Variants in HDAC9 observed in about 807,000 individuals in gnomAD.
HDAC9 encodes the protein MEF-2 interacting transcription repressor (MITR) protein.
HDAC9 carries 41 observed loss-of-function variants against 139.4 expected under a neutral mutation model. That is an observed-to-expected ratio of 0.29 (90% CI 0.23 to 0.38). The LOEUF (loss-of-function observed/expected upper bound fraction) is 0.38. HDAC9 is among the 10% of genes least tolerant of loss of function. The probability of loss-of-function intolerance (pLI) is 1.00; values close to 1 mark genes in which losing one functional copy is unlikely to be tolerated. For missense variants in HDAC9, 1,147 were observed against 1,297.0 expected (o/e 0.88, Z 1.78); for synonymous variants, 517 against 476.2 (o/e 1.09, Z -1.12).
chr7:18,440,463 G>A (rs558031348), intron 1 of HDAC9, among the ~76,000 whole-genome samples: 1 of 152,076 alleles, frequency 6.6e-6, no homozygotes, highest in African/African-American at 2.4e-5. Context: ...GGGATTACAG[G>A]CATGAGCCAC....
chr7:18,725,777 T>A (rs1246326215), intron 12 of HDAC9, among the ~76,000 whole-genome samples: 1 of 152,138 alleles, frequency 6.6e-6, no homozygotes, highest in Admixed American at 6.5e-5. Flanking sequence ...GTGAGTTCCA[T>A]ATGAGGAAGG....
At chr7:18,873,616 A>G (rs1158114342) in intron 21 of HDAC9, among the ~76,000 whole-genome samples, 3 of 152,184 alleles carry the variant, frequency 2.0e-5, no homozygotes, top group African/African-American at 4.8e-5. Context: ...ACAACCACAC[A>G]AGAGTGATTG....
intron 16 of HDAC9, among the ~76,000 whole-genome samples, chr7:18,789,489 C>A (rs1792121017): frequency 1.3e-5 from 2 of 152,130 alleles, no homozygotes; most frequent in South Asian, 4.1e-4. Flanking sequence ...TTTAGCAAGA[C>A]CTTAGTAGTA....
At position 18,996,594 on chromosome 7, in the gene HDAC9, G is replaced by C. The variant is rs1472777688; in HGVS notation, c.*532G>C. 1 of 152,564 alleles carries C rather than the reference G, an allele frequency of 6.6e-6. No homozygotes were observed. Among genetic ancestry groups the C allele is most frequent in the Non-Finnish European group, 1.5e-5 (1 of 68,440 alleles). The allele number at this position is 152,564 out of a possible 1,614,324, so 9.5% of individuals were successfully genotyped here. A position where few individuals can be genotyped will look rare whatever the true frequency, so the allele number is the denominator to read the frequency against. ...GTTTCTTGTTTGTTTGTTTTGTTTT[G>C]TTAGGGTTTTTTTCTCAACTTTAAC... On this transcript the variant is annotated 3_prime_UTR_variant, in exon 26 of 26. Coordinates refer to ENST00000686413, the MANE Select transcript of HDAC9 (RefSeq NM_178425.4).
chr7:18,639,115 T>G (rs981780997), intron 8 of HDAC9, among the ~76,000 whole-genome samples: 2 of 152,068 alleles, frequency 1.3e-5, no homozygotes, highest in African/African-American at 4.8e-5. Context: ...TACAAATGCT[T>G]TTAAAAAAGG....
chr7:18,658,994 A>G (rs1792263553), intron 11 of HDAC9, among the ~76,000 whole-genome samples: 1 of 151,828 alleles, frequency 6.6e-6, no homozygotes, highest in South Asian at 2.1e-4. Context: ...TAAGAAAGTG[A>G]TGAGTTGCAT....
rs572915880 is a variant in HDAC9, at chr7:18,206,008, GA to G, written c.25+43660del. On this transcript the variant is annotated intron_variant, in intron 2 of 12. Coordinates refer to the HDAC9 transcript ENST00000417496. ...AGATACAATGTAGAAATTTCATTGAGATTTTTTTAATAGTAACTTTTAATAG... is the reference window on the plus strand; with the variant it reads ...AGATACAATGTAGAAATTTCATTGAGTTTTTTTAATAGTAACTTTTAATAG... Among the ~76,000 whole-genome samples, 940 of 152,192 alleles carry G rather than the reference GA, an allele frequency of 6.2e-3. 10 individuals carry two copies. Among genetic ancestry groups the G allele is most frequent in the African/African-American group, 0.021 (882 of 41,538 alleles).
intron 2 of HDAC9, among the ~76,000 whole-genome samples, chr7:18,272,925 A>G (rs775591607): frequency 1.8e-3 from 77 of 42,288 alleles, no homozygotes; most frequent in African/African-American, 4.3e-3. Context: ...TACTACTACT[A>G]CTACTACTAC....
In HDAC9 at chr7:18,117,727, C is replaced by A. The variant is rs372082367; in HGVS notation, c.-97+30514C>A. ...GAGAGGGAGCGTGGACCTGCTGACACCTTGATTTCAGACTTCTGGCCTTGA... is the reference window on the plus strand; with the variant it reads ...GAGAGGGAGCGTGGACCTGCTGACAACTTGATTTCAGACTTCTGGCCTTGA... On this transcript the variant is annotated intron_variant, in intron 1 of 12. Coordinates refer to the HDAC9 transcript ENST00000417496. 2.0e-5 allele frequency among the ~76,000 whole-genome samples: 3 copies of A among 152,228 alleles called. No homozygotes were observed. In the East Asian group the frequency reaches 5.8e-4, roughly 29 times the overall value.
chr7:18,890,104 G>A (rs1800546971), intron 22 of HDAC9, among the ~76,000 whole-genome samples: 1 of 152,182 alleles, frequency 6.6e-6, no homozygotes, highest in African/African-American at 2.4e-5. Flanking sequence ...GATTTATGAA[G>A]AGTAAATACA....
At chr7:18,548,033 C>G (rs1815753404) in intron 2 of HDAC9, among the ~76,000 whole-genome samples, 1 of 151,862 alleles carries the variant, frequency 6.6e-6, no homozygotes. Context: ...ATTTCTAGCT[C>G]TTGATTGAAA....
intron 6 of HDAC9, among the ~76,000 whole-genome samples, chr7:18,606,679 G>T (rs948159483): frequency 6.6e-6 from 1 of 151,982 alleles, no homozygotes; most frequent in South Asian, 2.1e-4. Context: ...TTCAAAATAA[G>T]ACTCACTTTT....
intron 11 of HDAC9, among the ~76,000 whole-genome samples, chr7:18,654,640 A>G (rs1427704303): frequency 6.6e-6 from 1 of 152,168 alleles, no homozygotes; most frequent in African/African-American, 2.4e-5. Context: ...TTTATGACCA[A>G]GCAGGAAACC....
At chr7:18,170,291 A>T (rs976294951) in intron 2 of HDAC9, among the ~76,000 whole-genome samples, 2 of 152,128 alleles carry the variant, frequency 1.3e-5, no homozygotes, top group African/African-American at 2.4e-5. Context: ...TCCTTTGCAC[A>T]CTTTTTGATG....
chr7:18,943,248 A>G (rs1236444947), intron 23 of HDAC9, among the ~76,000 whole-genome samples: 3 of 152,050 alleles, frequency 2.0e-5, no homozygotes, highest in Admixed American at 2.0e-4. Context: ...TTTGACATGC[A>G]CTTTTCAACA....
chr7:18,530,115 A>G (rs1355467108), intron 2 of HDAC9, among the ~76,000 whole-genome samples: 1 of 152,054 alleles, frequency 6.6e-6, no homozygotes, highest in Admixed American at 6.6e-5. Context: ...TCCAGTCTCT[A>G]CGTAAATAGA....
intron 16 of HDAC9, among the ~76,000 whole-genome samples, chr7:18,773,008 T>C (rs1225384029): frequency 6.6e-6 from 1 of 152,102 alleles, no homozygotes; most frequent in Non-Finnish European, 1.5e-5. Context: ...TATACATTAC[T>C]CTGTGTATGG....
intron 1 of HDAC9, among the ~76,000 whole-genome samples, chr7:18,351,027 C>T (rs748929550): frequency 4.6e-5 from 7 of 152,284 alleles, no homozygotes; most frequent in South Asian, 2.1e-4. Context: ...AGGTCTGTGA[C>T]GGAGCCTCTG....
intron 2 of HDAC9, among the ~76,000 whole-genome samples, chr7:18,536,960 C>A (rs1811120918): frequency 6.6e-6 from 1 of 152,160 alleles, no homozygotes; most frequent in South Asian, 2.1e-4. Flanking sequence ...TGTGCTTTCT[C>A]CCAGCTTCCC....
Sources: gnomAD v4.1 joint callset for allele counts (sites outside exome capture counted in the v4.1 genomes callset) on GRCh38, gnomAD v4.1.1 for gene constraint, MANE v1.5 for transcripts, NCBI Gene and HGNC (gene_info 2026-07-23, HGNC 2026-07-21) for gene names.